Variants in PLEC observed in about 807,000 individuals in gnomAD.
PLEC encodes plectin, also known as hemidesmosomal protein 1.
A neutral mutation model predicts 392.8 loss-of-function variants in PLEC; 216 were observed. That is an observed-to-expected ratio of 0.55 (90% CI 0.49 to 0.62). The LOEUF is 0.62. Among genes scored for constraint, PLEC ranks in the 20% least tolerant of loss-of-function variants. PLEC has a pLI of 0.00. For synonymous variants in PLEC, 3,621 were observed against 2,980.6 expected (o/e 1.21, Z -7.00); for missense variants, 6,863 against 6,563.4 (o/e 1.05, Z -1.58).
At chr8:143,966,211 C>A (rs1554742181) in intron 1 of PLEC, among the ~76,000 whole-genome samples, 1 of 152,206 alleles carries the variant, frequency 6.6e-6, no homozygotes, top group African/African-American at 2.4e-5. Context: ...ACCCAACAGG[C>A]CCCCATGGCT....
At chr8:143,975,446 C>A, upstream of PLEC, 1 of 1,338,420 alleles carries the variant, frequency 7.5e-7, no homozygotes, top group Non-Finnish European at 1.1e-6. The surrounding 1 kb of genome is among the most constrained non-coding windows in gnomAD (Gnocchi z 9.9). Flanking sequence ...ACCCACCCAC[C>A]ACCTTCTTAA....
chr8:143,975,273 G>C, upstream of PLEC: 1 of 1,609,748 alleles, frequency 6.2e-7, no homozygotes, highest in East Asian at 2.2e-5. The surrounding 1 kb of genome is among the most constrained non-coding windows in gnomAD (Gnocchi z 9.9). Flanking sequence ...GTTTTCCCAA[G>C]GTTCCAGGGC....
Position 143,918,308 on chromosome 8 carries a change from G to A in PLEC, c.11513C>T (p.Ser3838Leu). The change falls in exon 32 of 32, where the codon TCA (serine) becomes TTA (leucine). Residue 3838 changes from serine to leucine, a missense_variant. Ser to Leu is a moderately radical substitution (Grantham distance 145, BLOSUM62 -2). Transcript: ENST00000345136. ...GTAGCTGCGCACCTCGCTGGGCTCT[G>A]ACAGCTGGTCGTGCGTGTCCTTGTT... ...YLNKDTHDQL[S>L]EPSEVRSYVD... The A allele has an allele frequency of 6.3e-7, 1 of 1,591,422 alleles. No individual in the cohort carries two copies. Among genetic ancestry groups the A allele is most frequent in the South Asian group, 1.1e-5 (1 of 90,036 alleles).
In PLEC at chr8:143,922,309, C is replaced by T. The variant is rs544784977; in HGVS notation, c.7512G>A (p.Gln2504=). The T allele has an allele frequency of 4.4e-6, 7 of 1,607,608 alleles. No homozygotes were observed. In the East Asian group the frequency reaches 1.6e-4, roughly 36 times the overall value. ...TCTCCTGCTCGATGAAGCGCTCCCG[C>T]TGTAGCAGGCTGTCCTTTTCAGAGA... The part of the protein sequence containing the change: ...SFLSEKDSLL[Q]RERFIEQEKA... The change falls in exon 32 of 32, where the codon CAG becomes CAA. Residue 2504 remains glutamine (Q), a synonymous_variant. Coordinates refer to ENST00000345136, the MANE Select transcript of PLEC (RefSeq NM_201384.3).
chr8:143,949,305 G>A (rs1008292593), intron 1 of PLEC, among the ~76,000 whole-genome samples: 2 of 152,244 alleles, frequency 1.3e-5, no homozygotes, highest in Admixed American at 1.3e-4. Flanking sequence ...AGGGAGGTGG[G>A]GCCAGGTGCT....
rs781841745 is a variant in PLEC, at chr8:143,918,995, T to C, written c.10826A>G (p.Gln3609Arg). 15 of 1,611,098 alleles carry C rather than the reference T, an allele frequency of 9.3e-6. No homozygotes were observed. In the South Asian group the frequency reaches 1.6e-4, roughly 18 times the overall value. The change falls in exon 32 of 32, where the codon CAG becomes CGG. Residue 3609 changes from glutamine (Q) to arginine (R), a missense_variant. Physicochemically the swap from Gln to Arg is conservative, Grantham distance 43 (BLOSUM62 1). Coordinates refer to ENST00000345136, the MANE Select transcript of PLEC (RefSeq NM_201384.3). ...EQRAQLMADFQAGRVTKERMI... is the reference protein window; with the variant it reads ...EQRAQLMADFRAGRVTKERMI... ...GCGTTCCTTGGTCACCCGGCCGGCC[T>C]GGAAGTCAGCCATCAGCTGGGCCCG...
chr8:143,934,599 C>G (rs1828459324), intron 10 of PLEC, 36 bp downstream of exon 10: 1 of 1,605,744 alleles, frequency 6.2e-7, no homozygotes, highest in African/African-American at 1.3e-5. Flanking sequence ...TGGGGCGTTC[C>G]AGGACACCAC....
Position 143,924,067 on chromosome 8 carries a change from G to A in PLEC, c.5862C>T (p.Asn1954=), listed in dbSNP as rs550994317. The change falls in exon 31 of 32, where the codon AAC becomes AAT. Residue 1954 remains asparagine, a synonymous_variant. Transcript: ENST00000345136. The part of the protein sequence containing the change: ...LELELGRIRS[N]AEDTLRSKEQ... The stretch of plus-strand genomic sequence containing the variant: ...CCTTGCTGCGCAGCGTGTCCTCCGC[G>A]TTGCTGCGGATGCGTCCCAGCTCCA... 8.2e-5 allele frequency: 131 copies of A among 1,597,466 alleles called. 1 individual carries two copies. Among genetic ancestry groups the A allele is most frequent in the Admixed American group, 8.2e-4 (49 of 59,890 alleles).
upstream of PLEC, among the ~76,000 whole-genome samples, chr8:143,957,048 G>A (rs1439446270): frequency 6.6e-6 from 1 of 152,214 alleles, no homozygotes; most frequent in African/African-American, 2.4e-5. Flanking sequence ...CCAAGAAGGT[G>A]GAGGTGGCTG....
intron 30 of PLEC, 122 bp from the exon 31 acceptor site, chr8:143,926,006 G>A: frequency 1.7e-6 from 2 of 1,144,934 alleles, no homozygotes; most frequent in East Asian, 2.6e-5. Context: ...GGAAGACAGA[G>A]GCCCCAGCCC....
chr8:143,950,792 C>T (rs764707975), exon 1 of PLEC: 12 of 1,525,876 alleles, frequency 7.9e-6, no homozygotes, highest in East Asian at 2.5e-5. Flanking sequence ...GAGAAGCTCC[C>T]GCGCTACAGG....
Position 143,922,654 on chromosome 8 carries a change from C to G in PLEC, c.7275G>C (p.Gln2425His). The change falls in exon 31 of 32, where the codon CAG (glutamine) becomes CAC (histidine). Residue 2425 changes from glutamine to histidine, a missense_variant. Gln to His is a conservative substitution (Grantham distance 24). Coordinates refer to ENST00000345136, the MANE Select transcript of PLEC (RefSeq NM_201384.3). ...EKLHRTELAT[Q>H]EKVTLVQTLE... is the part of the protein sequence containing the mutation. ...GTGTCTGCACCAGGGTCACCTTCTC[C>G]TGGGTGGCGAGCTCCGTGCGGTGCA... 1 of 1,613,532 alleles carries G rather than the reference C, an allele frequency of 6.2e-7. No homozygotes were observed. Among genetic ancestry groups the G allele is most frequent in the Non-Finnish European group, 8.5e-7 (1 of 1,179,968 alleles).
At chr8:143,953,643 C>T (rs1832418086), upstream of PLEC, 1 of 1,434,226 alleles carries the variant, frequency 7.0e-7, no homozygotes, top group Non-Finnish European at 9.6e-7. Context: ...AGACCCTGCC[C>T]GCCACCCTGC....
At position 143,916,015 on chromosome 8, in the gene PLEC, C is replaced by T. The variant is rs1203813977; in HGVS notation, c.*162G>A. ...CCAGCCCTGTCCCCCAAGATACAGG[C>T]TGTCTGGACAGCAGATATATATTAA... On this transcript the variant is annotated 3_prime_UTR_variant, in exon 32 of 32. Transcript: ENST00000345136. The T allele has an allele frequency of 2.2e-5, 12 of 543,282 alleles. No individual in the cohort carries two copies. In the African/African-American group the frequency reaches 2.2e-4, roughly 10 times the overall value. The allele number at this position is 543,282 out of a possible 1,614,324, so 33.7% of individuals were successfully genotyped here.
At chr8:143,964,729 T>C (rs1336170541) in intron 1 of PLEC, among the ~76,000 whole-genome samples, 4 of 152,314 alleles carry the variant, frequency 2.6e-5, no homozygotes, top group Non-Finnish European at 4.4e-5. Flanking sequence ...CATGCATTCT[T>C]GTGGCAGTCA....
Position 143,919,000 on chromosome 8 carries a change from G to T in PLEC, c.10821C>A (p.Asp3607Glu). The T allele has an allele frequency of 6.2e-7, 1 of 1,611,422 alleles. No homozygotes were observed. ...PEEQRAQLMA[D>E]FQAGRVTKER... ...CCTTGGTCACCCGGCCGGCCTGGAA[G>T]TCAGCCATCAGCTGGGCCCGCTGCT... The change falls in exon 32 of 32, where the codon GAC becomes GAA. Residue 3607 changes from aspartate (D) to glutamate (E), a missense_variant. Asp to Glu is a conservative substitution (Grantham distance 45). Transcript: ENST00000345136.
chr8:143,934,029 T>C lies in PLEC; in HGVS notation c.1232A>G (p.Gln411Arg), dbSNP rs1828206116. Residue 411 changes from glutamine to arginine, a missense_variant, in exon 12 of 32, where the codon CAG becomes CGG. Gln to Arg is a conservative substitution (Grantham distance 43). Transcript: ENST00000345136. ...LQMEAGLCEE[Q>R]LNQADALLQS... The stretch of plus-strand genomic sequence containing the variant: ...CAGCAGGGCGTCGGCCTGGTTCAGC[T>C]GCTCCTCACACAGCCCCGCCTCCAT... 2 of 1,611,158 alleles carry C rather than the reference T, an allele frequency of 1.2e-6. No homozygotes were observed. Among genetic ancestry groups the C allele is most frequent in the African/African-American group, 1.3e-5 (1 of 74,700 alleles).
At chr8:143,941,450 AG>A (rs1406720469), upstream of PLEC, among the ~76,000 whole-genome samples, 1 of 151,572 alleles carries the variant, frequency 6.6e-6, no homozygotes, top group African/African-American at 2.4e-5. Flanking sequence ...GGCTCAGGGA[AG>A]GGAAGGGGCA....
Position 143,915,949 on chromosome 8 carries a change from G to A in PLEC, c.*228C>T. ...CTGTGTGAGTGGCAGGTAGAAGGGA[G>A]TGAGGAGACCCGAGGGGGTGAGGCG... On this transcript the variant is annotated 3_prime_UTR_variant, in exon 32 of 32. Transcript: ENST00000345136. The A allele has an allele frequency of 2.4e-6, 1 of 408,224 alleles. No homozygotes were observed. The highest frequency in any genetic ancestry group is 4.3e-6 in the Non-Finnish European group (1 of 230,410). The allele number at this position is 408,224 out of a possible 1,614,324, so 25.3% of individuals were successfully genotyped here. A position where few individuals can be genotyped will look rare whatever the true frequency, so the allele number is the denominator to read the frequency against.
Sources: allele counts gnomAD v4.1 joint callset (sites outside exome capture counted in the v4.1 genomes callset), GRCh38; gene constraint gnomAD v4.1.1; non-coding constraint Gnocchi (gnomAD v3.1); transcripts MANE v1.5; gene names NCBI Gene and HGNC (gene_info 2026-07-23, HGNC 2026-07-21).